KMT2E: variants seen among roughly 807,000 people sequenced by gnomAD.
The protein encoded by KMT2E is histone reader KMT2E.
Under a neutral mutation model 184.6 loss-of-function variants are expected in KMT2E, and 30 were observed. That is an observed-to-expected ratio of 0.16 (90% CI 0.12 to 0.22). The LOEUF is 0.22. Among genes scored for constraint, KMT2E ranks in the 10% least tolerant of loss-of-function variants. The pLI, the probability that KMT2E is intolerant of heterozygous loss-of-function variation, is 1.00. For missense variants in KMT2E, 2,023 were observed against 2,237.4 expected (o/e 0.90, Z 1.93); for synonymous variants, 815 against 776.5 (o/e 1.05, Z -0.82).
chr7:105,101,076 T>G (rs1798635720), intron 15 of KMT2E, among the ~76,000 whole-genome samples: 1 of 152,232 alleles, frequency 6.6e-6, no homozygotes, highest in Non-Finnish European at 1.5e-5. Context: ...TTTTGGATCT[T>G]TTTTTAAAAG....
At chr7:105,100,164 G>A (rs1375579155) in intron 15 of KMT2E, among the ~76,000 whole-genome samples, 1 of 152,132 alleles carries the variant, frequency 6.6e-6, no homozygotes, top group Admixed American at 6.5e-5. Flanking sequence ...TTTCCTCAGA[G>A]TCATGTTTGC....
chr7:105,034,389 T>C (rs1795548134), intron 1 of KMT2E, among the ~76,000 whole-genome samples: 1 of 152,112 alleles, frequency 6.6e-6, no homozygotes, highest in Admixed American at 6.6e-5. Context: ...TGCACCACCA[T>C]GCCCAGCTAA....
At chr7:105,040,283 A>C (rs2129565304) in intron 2 of KMT2E, among the ~76,000 whole-genome samples, 1 of 152,228 alleles carries the variant, frequency 6.6e-6, no homozygotes, top group East Asian at 1.9e-4. Flanking sequence ...GTGTTGCTGG[A>C]GGAGAGCTAC....
chr7:105,022,939 T>A (rs944671902), intron 1 of KMT2E, among the ~76,000 whole-genome samples: 5 of 152,048 alleles, frequency 3.3e-5, no homozygotes, highest in Non-Finnish European at 7.4e-5. Flanking sequence ...AAGAAAAGTA[T>A]AGATAAGATA....
intron 1 of KMT2E, among the ~76,000 whole-genome samples, chr7:105,022,768 C>T (rs1270860727): frequency 1.3e-5 from 2 of 152,022 alleles, no homozygotes; most frequent in African/African-American, 2.4e-5. Flanking sequence ...CTTTTCTTTA[C>T]TTGGGTACAT....
Position 105,081,422 on chromosome 7 carries a change from T to TA in KMT2E, c.1249-266_1249-265insA, listed in dbSNP as rs1303975621. 1.9e-3 allele frequency among the ~76,000 whole-genome samples: 273 copies of TA among 142,418 alleles called. 1 individual carries two copies. Among genetic ancestry groups the TA allele is most frequent in the African/African-American group, 6.8e-3 (255 of 37,462 alleles). The allele number at this position is 142,418 out of a possible 152,430, so 93.4% of individuals were successfully genotyped here. A position where few individuals can be genotyped will look rare whatever the true frequency, so the allele number is the denominator to read the frequency against. On this transcript the variant is annotated intron_variant, in intron 12 of 26. Coordinates refer to ENST00000311117, the MANE Select transcript of KMT2E (RefSeq NM_182931.3). ...AAGAAGAATTGATGAAATATAGTAT[T>TA]TTTATTATTATTATTATTATTATTA...
Position 105,066,765 on chromosome 7 carries a change from A to G in KMT2E, c.455A>G (p.Gln152Arg). ...ATTGACTGCATGGGGATTGATAGGC[A>G]GCATATTCCTGATACATATCTATGT... ...QHIDCMGIDR[Q>R]HIPDTYLCER... Residue 152 changes from glutamine (Q) to arginine (R), a missense_variant, in exon 6 of 27, where the codon CAG becomes CGG. By Grantham distance (43) the Gln-to-Arg change is conservative (BLOSUM62 1). Around this residue, in one of 8 missense-constraint regions of KMT2E, gnomAD observed 30 missense variants for 80.6 expected, o/e 0.37. Transcript: ENST00000311117. 1.2e-6 allele frequency: 2 copies of G among 1,612,930 alleles called. No homozygotes were observed. Among genetic ancestry groups the G allele is most frequent in the South Asian group, 2.2e-5 (2 of 91,024 alleles).
intron 3 of KMT2E, among the ~76,000 whole-genome samples, chr7:105,043,446 C>G (rs987612815): frequency 6.6e-6 from 1 of 151,690 alleles, no homozygotes; most frequent in African/African-American, 2.4e-5. Context: ...CCGTTTTAGC[C>G]GGGATGGTCT....
intron 26 of KMT2E, 57 bp downstream of exon 26, chr7:105,110,925 G>C: frequency 8.4e-7 from 1 of 1,197,340 alleles, no homozygotes. Context: ...GTGCAGAAAA[G>C]CTGATGGTTA....
Position 105,109,010 on chromosome 7 carries a change from T to C in KMT2E, c.3537T>C (p.Phe1179=), listed in dbSNP as rs137965134. 1 of 1,614,068 alleles carries C rather than the reference T, an allele frequency of 6.2e-7. No homozygotes were observed. The highest frequency in any genetic ancestry group is 1.3e-5 in the African/African-American group (1 of 74,938). The part of the protein sequence containing the change: ...ARKSGSKTEN[F]PLISVSPHAS... ...AAAGTGGCTCTAAGACAGAGAACTT[T>C]CCACTCATTAGTGTATCACCCCATG... The change falls in exon 23 of 27, where the codon TTT becomes TTC. Residue 1179 remains phenylalanine (F), a synonymous_variant. Transcript: ENST00000311117.
At chr7:105,054,458 G>GTCTATCTA (rs71152935) in intron 3 of KMT2E, among the ~76,000 whole-genome samples, 10 of 136,618 alleles carry the variant, frequency 7.3e-5, no homozygotes, top group South Asian at 2.3e-4. Flanking sequence ...CTGTCTGTCT[G>GTCTATCTA]TCTATCTATC....
intron 26 of KMT2E, 106 bp from the exon 27 acceptor site, chr7:105,111,719 C>G: frequency 7.8e-7 from 1 of 1,280,040 alleles, no homozygotes; most frequent in Non-Finnish European, 1.1e-6. Flanking sequence ...TTATTTCCTG[C>G]CCCCCATTAA....
At chr7:105,106,869 G>A (rs1798921176) in intron 20 of KMT2E, 97 bp downstream of exon 20, 2 of 1,191,948 alleles carry the variant, frequency 1.7e-6, no homozygotes, top group Admixed American at 2.3e-5. Context: ...AGTGTGCTGA[G>A]AATACAAAAA....
At chr7:105,108,069 G>A (rs10253962) in intron 22 of KMT2E, 144 bp downstream of exon 22, 96,404 of 562,798 alleles carry the variant, frequency 0.17, 12,300 homozygotes, top group East Asian at 0.63. Context: ...TAAACCTTTT[G>A]TAAATGCTGG....
chr7:105,091,521 G>T, intron 15 of KMT2E: 1 of 588,270 alleles, frequency 1.7e-6, no homozygotes, highest in Non-Finnish European at 3.1e-6. Context: ...ATTTAAGAAT[G>T]TATGACATTT....
chr7:105,059,978 GTTTTTTTTTTTTTTTTT>G (rs67291226), intron 3 of KMT2E, among the ~76,000 whole-genome samples: 17 of 51,798 alleles, frequency 3.3e-4, no homozygotes, highest in Middle Eastern at 0.028. Context: ...TCTTGTTGTT[GTTTTTTTTTTTTTTTTT>G]TTTTTTTTTT....
intron 17 of KMT2E, 199 bp downstream of exon 17, chr7:105,102,393 C>T: frequency 2.2e-6 from 1 of 444,800 alleles, no homozygotes; most frequent in Non-Finnish European, 3.9e-6. Flanking sequence ...GATAAAGTTA[C>T]ATTCAGTTTA....
intron 6 of KMT2E, among the ~76,000 whole-genome samples, chr7:105,067,870 G>C (rs960485516): frequency 1.3e-5 from 2 of 152,104 alleles, no homozygotes; most frequent in Non-Finnish European, 2.9e-5. Context: ...TGCTTGGGAG[G>C]CTGAGGTGGG....
At chr7:105,073,534 A>T in intron 6 of KMT2E, 85 bp from the exon 7 acceptor site, 1 of 820,854 alleles carries the variant, frequency 1.2e-6, no homozygotes, top group Non-Finnish European at 2.0e-6. Flanking sequence ...CACTGAGAAC[A>T]TTAAATAAAT....
Sources: gnomAD v4.1 joint callset for allele counts (sites outside exome capture counted in the v4.1 genomes callset) on GRCh38, gnomAD v4.1.1 for gene constraint, gnomAD v4.1.1 regional missense constraint, MANE v1.5 for transcripts, NCBI Gene and HGNC (gene_info 2026-07-23, HGNC 2026-07-21) for gene names.